TLK1: variants seen among roughly 807,000 people sequenced by gnomAD.
TLK1 encodes the protein serine/threonine-protein kinase tousled-like 1.
In TLK1, 24 loss-of-function variants were observed where a neutral mutation model predicts 105.3. That is an observed-to-expected ratio of 0.23 (90% CI 0.17 to 0.32). The LOEUF (loss-of-function observed/expected upper bound fraction) is 0.32, where lower values mean the gene tolerates loss of function less well. Ranked by LOEUF, TLK1 falls within the 10% of genes least tolerant of loss-of-function variation. The pLI, the probability that TLK1 is intolerant of heterozygous loss-of-function variation, is 1.00. For synonymous variants in TLK1, 321 were observed against 310.4 expected, an observed-to-expected ratio of 1.03 and a Z score of -0.36; for missense variants, 558 against 910.5, an observed-to-expected ratio of 0.61 and a Z score of 4.98.
chr2:171,000,416 C>T (rs1406628797), intron 18 of TLK1, among the ~76,000 whole-genome samples: 1 of 151,022 alleles, frequency 6.6e-6, no homozygotes, highest in Non-Finnish European at 1.5e-5. Flanking sequence ...TGCTAATAGC[C>T]CACTGTTGAC....
chr2:171,153,572 CCTTT>C (rs1246907407), intron 1 of TLK1, among the ~76,000 whole-genome samples: 1 of 152,124 alleles, frequency 6.6e-6, no homozygotes, highest in African/African-American at 2.4e-5. Context: ...GAATTCAAGA[CCTTT>C]CTGTCTAGTA....
chr2:171,182,803 C>G (rs193174168), intron 1 of TLK1, among the ~76,000 whole-genome samples: 1 of 151,402 alleles, frequency 6.6e-6, no homozygotes, highest in Admixed American at 6.6e-5. Flanking sequence ...TCCCTGTAGT[C>G]CCAGCTCATC....
intron 1 of TLK1, among the ~76,000 whole-genome samples, chr2:171,143,445 G>T (rs1049527888): frequency 7.3e-6 from 1 of 136,336 alleles, no homozygotes; most frequent in South Asian, 2.4e-4. Context: ...GGCAGAGGTT[G>T]CAGTGAGCCA....
chr2:171,003,055 A>G (rs1362144636), intron 18 of TLK1, among the ~76,000 whole-genome samples: 1 of 151,882 alleles, frequency 6.6e-6, no homozygotes, highest in Non-Finnish European at 1.5e-5. Flanking sequence ...CGGGTGGATC[A>G]TGAGGTCAGG....
At chr2:171,081,121 G>A (rs1688731262) in intron 3 of TLK1, among the ~76,000 whole-genome samples, 1 of 152,134 alleles carries the variant, frequency 6.6e-6, no homozygotes, top group Non-Finnish European at 1.5e-5. Context: ...TGCCAGTATG[G>A]TCTTTTAAGA....
intron 11 of TLK1, among the ~76,000 whole-genome samples, chr2:171,042,633 T>C (rs924688263): frequency 6.7e-6 from 1 of 150,248 alleles, no homozygotes; most frequent in African/African-American, 2.5e-5. Flanking sequence ...GATAAAACAG[T>C]GAAATAAATG....
chr2:171,038,274 G>A (rs1305631265), intron 11 of TLK1, among the ~76,000 whole-genome samples: 4 of 151,798 alleles, frequency 2.6e-5, no homozygotes, highest in South Asian at 2.1e-4. Flanking sequence ...ATTTTAACGC[G>A]ATTTTTAAAA....
chr2:171,147,727 T>C (rs1480579024), intron 1 of TLK1, among the ~76,000 whole-genome samples: 6 of 152,222 alleles, frequency 3.9e-5, no homozygotes, highest in African/African-American at 1.4e-4. Flanking sequence ...AGCTCACAGA[T>C]GTAGATTTCA....
At chr2:171,016,370 C>T (rs1029827654) in intron 12 of TLK1, among the ~76,000 whole-genome samples, 6 of 152,090 alleles carry the variant, frequency 3.9e-5, no homozygotes, top group African/African-American at 9.7e-5. Context: ...CCGAGCTCAA[C>T]GGATCCTCCT....
chr2:171,227,903 C>T (rs1039353372), intron 1 of TLK1, among the ~76,000 whole-genome samples: 3 of 152,062 alleles, frequency 2.0e-5, no homozygotes, highest in South Asian at 2.1e-4. Flanking sequence ...AGGCCAGACG[C>T]GGTGGCTCAC....
At chr2:171,016,783 T>A (rs1019432508) in intron 12 of TLK1, among the ~76,000 whole-genome samples, 13 of 152,194 alleles carry the variant, frequency 8.5e-5, no homozygotes, top group African/African-American at 3.1e-4. Flanking sequence ...TCTCTAAAGA[T>A]TATGTTGTTT....
At chr2:171,063,085 C>A (rs1419603633) in intron 3 of TLK1, among the ~76,000 whole-genome samples, 18 of 152,114 alleles carry the variant, frequency 1.2e-4, no homozygotes, top group Admixed American at 1.2e-3. Context: ...GTGACTCATG[C>A]CTGCAATCTC....
At chr2:171,036,734 C>T (rs978353863) in intron 11 of TLK1, among the ~76,000 whole-genome samples, 18 of 152,136 alleles carry the variant, frequency 1.2e-4, no homozygotes, top group African/African-American at 4.1e-4. Context: ...GTGGATTATA[C>T]CCCAAGTCTC....
intron 14 of TLK1, 127 bp downstream of exon 14, chr2:171,011,246 C>T: frequency 2.9e-6 from 2 of 697,698 alleles, no homozygotes; most frequent in Non-Finnish European, 2.2e-6. Context: ...GGCACCCTCC[C>T]ATCTCCCAAA....
chr2:171,159,118 A>G (rs551790333), intron 1 of TLK1, among the ~76,000 whole-genome samples: 12 of 152,336 alleles, frequency 7.9e-5, no homozygotes, highest in African/African-American at 2.9e-4. Context: ...TATTTTCAAA[A>G]TAAAGTACTC....
intron 2 of TLK1, among the ~76,000 whole-genome samples, chr2:171,086,423 C>G (rs1238337944): frequency 1.3e-5 from 2 of 152,012 alleles, no homozygotes; most frequent in Non-Finnish European, 2.9e-5. Context: ...GTCACAAGTT[C>G]AAAACCAGCC....
chr2:171,108,212 ATAC>A (rs1690015987), intron 2 of TLK1, among the ~76,000 whole-genome samples: 1 of 152,218 alleles, frequency 6.6e-6, no homozygotes, highest in Non-Finnish European at 1.5e-5. Flanking sequence ...GGCATTCTTT[ATAC>A]TACATTTTCA....
At chr2:171,002,482 G>A (rs1017338657) in intron 18 of TLK1, among the ~76,000 whole-genome samples, 2 of 152,116 alleles carry the variant, frequency 1.3e-5, no homozygotes, top group East Asian at 3.9e-4. Flanking sequence ...CACCGTGTTA[G>A]CCAGGATGGT....
In TLK1 at chr2:170,992,000, T is replaced by C. The variant is rs943436978; in HGVS notation, c.*1780A>G. ...TTCTAAGTGTTACTTACCCAGGAGT[T>C]GCCTTGATAATGGTTATTAGGTTTA... On this transcript the variant is annotated 3_prime_UTR_variant, in exon 21 of 21. Coordinates refer to ENST00000431350, the MANE Select transcript of TLK1 (RefSeq NM_012290.5). 6.6e-6 allele frequency: 1 copy of C among 152,134 alleles called. No individual in the cohort carries two copies. The highest frequency in any genetic ancestry group is 1.5e-5 in the Non-Finnish European group (1 of 67,998). 9.4% of individuals were successfully genotyped at this position (152,134 alleles called of 1,614,324 possible).
Sources: gnomAD v4.1 joint callset for allele counts (sites outside exome capture counted in the v4.1 genomes callset) on GRCh38, gnomAD v4.1.1 for gene constraint, MANE v1.5 for transcripts, NCBI Gene and HGNC (gene_info 2026-07-23, HGNC 2026-07-21) for gene names.